The following MIDN variants were observed in gnomAD, a reference collection of about 807,000 sequenced individuals.
The protein encoded by MIDN is midnolin.
In MIDN, 26 loss-of-function variants were observed where a neutral mutation model predicts 46.1. The ratio of observed to expected loss-of-function variants is 0.56; its 90% CI spans 0.41 to 0.78. The LOEUF (loss-of-function observed/expected upper bound fraction) is 0.78. Ranked by LOEUF, MIDN falls within the 30% of genes least tolerant of loss-of-function variation. MIDN has a pLI of 0.00. For missense variants in MIDN, 850 were observed against 771.8 expected, an observed-to-expected ratio of 1.10 and a Z score of -1.20; for synonymous variants, 432 against 343.3, an observed-to-expected ratio of 1.26 and a Z score of -2.86.
intron 8 of MIDN, among the ~76,000 whole-genome samples, 178 bp from the exon 9 acceptor site, chr19:1,256,817 C>T (rs1227231371): frequency 6.6e-6 from 1 of 152,178 alleles, no homozygotes; most frequent in Non-Finnish European, 1.5e-5. Context: ...GCTGAGATTA[C>T]AGGCGTGAAC....
intron 3 of MIDN, 44 bp downstream of exon 3, chr19:1,251,693 C>T (rs1159482338): frequency 6.4e-7 from 1 of 1,570,428 alleles, no homozygotes; most frequent in South Asian, 1.1e-5. Context: ...CCCCCGCACA[C>T]AGGCAGTAGC....
rs563065460 is a variant in MIDN at position 1,253,103 on chromosome 19, G to A, written c.385-851G>A. ...CAGGGTTGCTTCCCTGCCTGGCACC[G>A]AGTCATGCCCGCCCATTAGCCTTCC... On this transcript the variant is annotated intron_variant, in intron 4 of 8. Transcript: ENST00000682408. 3.2e-3 allele frequency among the ~76,000 whole-genome samples: 492 copies of A among 151,910 alleles called. 7 individuals are homozygous for A. The highest frequency in any genetic ancestry group is 0.011 in the African/African-American group (473 of 41,396).
rs554289157 is a variant in MIDN at position 1,256,299 on chromosome 19, T to C, written c.1258+605T>C. Among the ~76,000 whole-genome samples the C allele has an allele frequency of 1.9e-4, 29 of 152,206 alleles. 1 individual carries two copies. The South Asian group carries it at 3.9e-3, about 21-fold the overall frequency. On this transcript the variant is annotated intron_variant, in intron 8 of 8. Coordinates refer to ENST00000682408, the MANE Select transcript of MIDN (RefSeq NM_001388306.1). The stretch of plus-strand genomic sequence containing the variant: ...GAGATCGAGACCATCTTGGCTAACA[T>C]GGTGAAACTCCGTTTCCACTAAAAA...
In MIDN at chr19:1,250,486, C is replaced by T. The variant is rs763117290; in HGVS notation, c.190C>T (p.Leu64Phe). Residue 64 changes from leucine to phenylalanine, a missense_variant, in exon 2 of 9, where the codon CTC (leucine) becomes TTC (phenylalanine). Physicochemically the swap from Leu to Phe is conservative, Grantham distance 22 (BLOSUM62 0). Coordinates refer to ENST00000682408, the MANE Select transcript of MIDN (RefSeq NM_001388306.1). ...GCTGCGCAAGCGGTTGTCCCAGCGC[C>T]TCAAAGTGCCCAAGGAGCGCCTGGC... Reference protein sequence around the residue: ...EGLRKRLSQRLKVPKERLALL... With the variant: ...EGLRKRLSQRFKVPKERLALL... 2.5e-5 allele frequency: 34 copies of T among 1,365,654 alleles called. No individual in the cohort carries two copies. The highest frequency in any genetic ancestry group is 2.1e-4 in the Middle Eastern group (1 of 4,838). 84.6% of individuals were successfully genotyped at this position (1,365,654 alleles called of 1,614,324 possible).
Position 1,255,637 on chromosome 19 carries a change from G to A in MIDN, c.1201G>A (p.Ala401Thr), listed in dbSNP as rs866456084. 6.9e-6 allele frequency: 11 copies of A among 1,604,460 alleles called. No individual in the cohort carries two copies. The highest frequency in any genetic ancestry group is 3.3e-4 in the Middle Eastern group (2 of 6,076). Residue 401 changes from alanine (A) to threonine (T), a missense_variant, in exon 8 of 9, where the codon GCC becomes ACC. Physicochemically the swap from Ala to Thr is moderately conservative, Grantham distance 58 (BLOSUM62 0). Transcript: ENST00000682408. ...TACCTCCTGCGAGAAGCTCACGGCT[G>A]CCCCCTCAGCCTCCCTGCTGCAGGG... is the stretch of plus-strand genomic sequence containing the variant. Reference protein sequence around the residue: ...RTTSCEKLTAAPSASLLQGQS... With the variant: ...RTTSCEKLTATPSASLLQGQS...
intron 7 of MIDN, 97 bp from the exon 8 acceptor site, chr19:1,255,325 C>G: frequency 7.1e-7 from 1 of 1,416,802 alleles, no homozygotes; most frequent in Non-Finnish European, 9.4e-7. Flanking sequence ...CATGTCCACG[C>G]CATTGCCTGA....
intron 4 of MIDN, among the ~76,000 whole-genome samples, chr19:1,252,349 C>T (rs1599979015): frequency 6.6e-6 from 1 of 151,588 alleles, no homozygotes; most frequent in East Asian, 1.9e-4. Context: ...CCGTGACCCC[C>T]ATCGTGAGAG....
At position 1,255,435 on chromosome 19, in the gene MIDN, C is replaced by A. The variant is rs1181344317; in HGVS notation, c.999C>A (p.Pro333=). The change falls in exon 8 of 9, where the codon CCC becomes CCA. Residue 333 remains proline, a synonymous_variant. Transcript: ENST00000682408. The part of the protein sequence containing the change: ...FSGTFSGTLH[P]NCQDSSGRPR... Reference sequence around the variant, plus strand: ...CTCTGCCCGCAGGCACGCTACACCCCAACTGCCAAGACAGCAGCGGGCGGC... The same window carrying A: ...CTCTGCCCGCAGGCACGCTACACCCAAACTGCCAAGACAGCAGCGGGCGGC... 1 of 1,595,496 alleles carries A rather than the reference C, an allele frequency of 6.3e-7. No individual in the cohort carries two copies. The highest frequency in any genetic ancestry group is 1.1e-5 in the South Asian group (1 of 88,832).
At chr19:1,253,527 C>G (rs963497389) in intron 4 of MIDN, among the ~76,000 whole-genome samples, 1 of 151,382 alleles carries the variant, frequency 6.6e-6, no homozygotes, top group Non-Finnish European at 1.5e-5. Flanking sequence ...CCACCCTGAA[C>G]GGGGGCAGAT....
intron 4 of MIDN, 61 bp downstream of exon 4, chr19:1,251,962 C>A: frequency 1.4e-6 from 2 of 1,420,488 alleles, no homozygotes; most frequent in East Asian, 2.4e-5. Context: ...CCTTGGCCAC[C>A]GACGGGGCCT....
At position 1,258,544 on chromosome 19, in the gene MIDN, T is replaced by A. The variant is rs1242230839; in HGVS notation, c.*1272T>A. ...TTTTATTTTTTAATGATAATGGAGA[T>A]GTCTGGACCCTTCCTCACCCCACCT... is the stretch of plus-strand genomic sequence containing the variant. On this transcript the variant is annotated 3_prime_UTR_variant, in exon 9 of 9. Coordinates refer to ENST00000682408, the MANE Select transcript of MIDN (RefSeq NM_001388306.1). 1 of 152,440 alleles carries A rather than the reference T, an allele frequency of 6.6e-6. No homozygotes were observed. The highest frequency in any genetic ancestry group is 1.5e-5 in the Non-Finnish European group (1 of 68,042). The allele number at this position is 152,440 out of a possible 1,614,324, so 9.4% of individuals were successfully genotyped here. A position where few individuals can be genotyped will look rare whatever the true frequency, so the allele number is the denominator to read the frequency against.
chr19:1,250,761 C>G (rs1324707238), intron 2 of MIDN, among the ~76,000 whole-genome samples: 1 of 151,712 alleles, frequency 6.6e-6, no homozygotes. Context: ...CGGCGGCCCC[C>G]CTTGGGGGCG....
chr19:1,254,425 C>T lies in MIDN; in HGVS notation c.772C>T (p.Pro258Ser). ...CAGCCCGTCCCCTGCATCTCCCTCG[C>T]CCATCACAGCCGGCTCCTTCCGGTC... The part of the protein sequence containing the change: ...PTSPSPASPS[P>S]ITAGSFRSHA... Residue 258 changes from proline (P) to serine (S), a missense_variant, in exon 6 of 9, where the codon CCC becomes TCC. Physicochemically the swap from Pro to Ser is moderately conservative, Grantham distance 74 (BLOSUM62 -1). Coordinates refer to ENST00000682408, the MANE Select transcript of MIDN (RefSeq NM_001388306.1). The T allele has an allele frequency of 6.4e-7, 1 of 1,566,388 alleles. No individual in the cohort carries two copies. The highest frequency in any genetic ancestry group is 8.6e-7 in the Non-Finnish European group (1 of 1,163,340).
chr19:1,255,010 A>G lies in MIDN; in HGVS notation c.934A>G (p.Ile312Val). The G allele has an allele frequency of 1.2e-6, 2 of 1,613,324 alleles. No individual in the cohort carries two copies. The highest frequency in any genetic ancestry group is 8.5e-7 in the Non-Finnish European group (1 of 1,179,894). Residue 312 changes from isoleucine to valine, a missense_variant, in exon 7 of 9, where the codon ATC becomes GTC. Coordinates refer to ENST00000682408, the MANE Select transcript of MIDN (RefSeq NM_001388306.1). ...APRSRKPGAV[I>V]ESFVNHAPGV... ...CCGCTCCCGAAAACCCGGCGCCGTCATCGAGAGCTTTGTGAATCACGCCCC... is the reference window on the plus strand; with the variant it reads ...CCGCTCCCGAAAACCCGGCGCCGTCGTCGAGAGCTTTGTGAATCACGCCCC...
At position 1,254,168 on chromosome 19, in the gene MIDN, T is replaced by C; in HGVS notation, c.515T>C (p.Val172Ala). Reference protein sequence around the residue: ...SPERGGERPQVSDFLSGRSPL... With the variant: ...SPERGGERPQASDFLSGRSPL... ...GCTGACGGACCGCTCTCCTTGCAGGTCAGTGACTTCCTGTCGGGCCGTTCG... is the reference window on the plus strand; with the variant it reads ...GCTGACGGACCGCTCTCCTTGCAGGCCAGTGACTTCCTGTCGGGCCGTTCG... The change falls in exon 6 of 9, where the codon GTC (valine) becomes GCC (alanine). Residue 172 changes from valine (V) to alanine (A), a missense_variant and splice_region_variant. Val to Ala is a moderately conservative substitution (Grantham distance 64, BLOSUM62 0). Coordinates refer to ENST00000682408, the MANE Select transcript of MIDN (RefSeq NM_001388306.1). 1 of 1,593,796 alleles carries C rather than the reference T, an allele frequency of 6.3e-7. No homozygotes were observed.
intron 8 of MIDN, 28 bp from the exon 9 acceptor site, chr19:1,256,967 G>T: frequency 6.2e-7 from 1 of 1,603,286 alleles, no homozygotes; most frequent in South Asian, 1.1e-5. Flanking sequence ...GAGGCTTTGG[G>T]AGTCACAGGC....
chr19:1,254,722 C>T (rs866777184), intron 6 of MIDN, among the ~76,000 whole-genome samples, 180 bp from the exon 7 acceptor site: 2 of 152,046 alleles, frequency 1.3e-5, no homozygotes, highest in Non-Finnish European at 2.9e-5. Context: ...ATCTTTGACT[C>T]ATGGGTCATC....
At position 1,257,098 on chromosome 19, in the gene MIDN, C is replaced by A; in HGVS notation, c.1362C>A (p.Asp454Glu). The change falls in exon 9 of 9, where the codon GAC (aspartate) becomes GAA (glutamate). Residue 454 changes from aspartate to glutamate, a missense_variant. Physicochemically the swap from Asp to Glu is conservative, Grantham distance 45. Coordinates refer to ENST00000682408, the MANE Select transcript of MIDN (RefSeq NM_001388306.1). ...GGCTCCGTAGAAAGGCCCGGCGGGA[C>A]GCGCGGGGTCCGTACCACTGGTCAC... ...QKRLRRKARR[D>E]ARGPYHWSPS... 6.2e-7 allele frequency: 1 copy of A among 1,611,974 alleles called. No individual in the cohort carries two copies. Among genetic ancestry groups the A allele is most frequent in the Non-Finnish European group, 8.5e-7 (1 of 1,179,684 alleles).
rs1377830878 is a variant in MIDN, at chr19:1,255,450, C to A, written c.1014C>A (p.Ser338Arg). 5 of 1,600,574 alleles carry A rather than the reference C, an allele frequency of 3.1e-6. No homozygotes were observed. Among genetic ancestry groups the A allele is most frequent in the Non-Finnish European group, 4.3e-6 (5 of 1,174,450 alleles). ...SGTLHPNCQD[S>R]SGRPRRDIGT... ...CGCTACACCCCAACTGCCAAGACAG[C>A]AGCGGGCGGCCGCGGCGTGACATCG... The change falls in exon 8 of 9, where the codon AGC (serine) becomes AGA (arginine). Residue 338 changes from serine (S) to arginine (R), a missense_variant. Coordinates refer to ENST00000682408, the MANE Select transcript of MIDN (RefSeq NM_001388306.1).
Sources: allele counts gnomAD v4.1 joint callset (sites outside exome capture counted in the v4.1 genomes callset), GRCh38; gene constraint gnomAD v4.1.1; transcripts MANE v1.5; gene names NCBI Gene and HGNC (gene_info 2026-07-23, HGNC 2026-07-21).